Variants in USH2A observed in about 807,000 individuals in gnomAD.
USH2A encodes the protein Usher syndrome 2A (autosomal recessive, mild).
In USH2A, 443 loss-of-function variants were observed where a neutral mutation model predicts 538.9. That is an observed-to-expected ratio of 0.82 (90% CI 0.76 to 0.89). The LOEUF is 0.89. Ranked by LOEUF, USH2A falls within the 40% of genes least tolerant of loss-of-function variation. The pLI, the probability that USH2A is intolerant of heterozygous loss-of-function variation, is 0.00. For missense variants in USH2A, 6,633 were observed against 6,324.8 expected (o/e 1.05, Z -1.65); for synonymous variants, 2,413 against 2,273.5 (o/e 1.06, Z -1.75).
At chr1:216,380,202 A>G (rs1015121885) in intron 3 of USH2A, among the ~76,000 whole-genome samples, 58 of 152,292 alleles carry the variant, frequency 3.8e-4, no homozygotes, top group African/African-American at 1.2e-3. Flanking sequence ...AAGAGGGTAG[A>G]TATTGGGAAG....
At chr1:215,660,016 G>A (rs1214558737) in intron 64 of USH2A, among the ~76,000 whole-genome samples, 1 of 152,220 alleles carries the variant, frequency 6.6e-6, no homozygotes, top group African/African-American at 2.4e-5. Context: ...GAGGAATGGG[G>A]TAGGGGATGA....
chr1:216,333,195 G>A (rs2037902885), intron 4 of USH2A, among the ~76,000 whole-genome samples: 1 of 151,956 alleles, frequency 6.6e-6, no homozygotes, highest in Admixed American at 6.6e-5. Flanking sequence ...TGTAATCCCA[G>A]CACTTTGGGA....
intron 60 of USH2A, among the ~76,000 whole-genome samples, chr1:215,740,167 CTCT>C (rs1412671760): frequency 6.6e-6 from 1 of 152,016 alleles, no homozygotes; most frequent in Non-Finnish European, 1.5e-5. Context: ...TCTATTTTTT[CTCT>C]TCTTCTCTCC....
At chr1:215,939,194 C>T (rs1173107641) in intron 37 of USH2A, among the ~76,000 whole-genome samples, 1 of 152,150 alleles carries the variant, frequency 6.6e-6, no homozygotes, top group Admixed American at 6.6e-5. Flanking sequence ...TATCTTTCCA[C>T]TGAAGATGCA....
chr1:215,973,212 T>C (rs1423047617), intron 35 of USH2A, among the ~76,000 whole-genome samples: 1 of 152,158 alleles, frequency 6.6e-6, no homozygotes, highest in Middle Eastern at 3.2e-3. Context: ...TCTTACATAA[T>C]TGGGGAACAG....
At chr1:216,112,855 T>C (rs954726645) in intron 21 of USH2A, among the ~76,000 whole-genome samples, 2 of 152,056 alleles carry the variant, frequency 1.3e-5, no homozygotes, top group Non-Finnish European at 2.9e-5. Flanking sequence ...TAGTCTGTCA[T>C]TGATGGGCAT....
At chr1:216,065,407 A>T (rs1210334500) in intron 30 of USH2A, among the ~76,000 whole-genome samples, 1 of 152,260 alleles carries the variant, frequency 6.6e-6, no homozygotes, top group Non-Finnish European at 1.5e-5. Context: ...AAAATCACAC[A>T]TAGAATATTG....
At chr1:216,113,137 T>TAAAAAAA (rs71159901) in intron 21 of USH2A, among the ~76,000 whole-genome samples, 6 of 127,566 alleles carry the variant, frequency 4.7e-5, no homozygotes, top group Non-Finnish European at 6.7e-5. Context: ...CTCCAAATGA[T>TAAAAAAA]AAAAAAAAAA....
Position 215,650,646 on chromosome 1 carries a change from C to G in USH2A, c.14289G>C (p.Gly4763=). 2 of 1,614,142 alleles carry G rather than the reference C, an allele frequency of 1.2e-6. No individual in the cohort carries two copies. The highest frequency in any genetic ancestry group is 1.7e-6 in the Non-Finnish European group (2 of 1,180,032). ...VNISAPGKPN[G]IVSLYRLFSS... is the part of the protein sequence containing the mutation. ...AGAACAGCCTGTAGAGACTGACGATCCCGTTGGGCTTCCCAGGGGCACTGA... is the reference window on the plus strand; with the variant it reads ...AGAACAGCCTGTAGAGACTGACGATGCCGTTGGGCTTCCCAGGGGCACTGA... Residue 4763 remains glycine (G), a synonymous_variant, in exon 65 of 72, where the codon GGG becomes GGC. Coordinates refer to ENST00000307340, the MANE Select transcript of USH2A (RefSeq NM_206933.4).
At chr1:216,340,632 G>C (rs1480476362) in intron 4 of USH2A, among the ~76,000 whole-genome samples, 1 of 151,596 alleles carries the variant, frequency 6.6e-6, no homozygotes, top group African/African-American at 2.4e-5. Flanking sequence ...AAATCCAGCA[G>C]CATATCCTTA....
At chr1:215,928,754 G>A (rs1200449554) in intron 38 of USH2A, among the ~76,000 whole-genome samples, 3 of 152,066 alleles carry the variant, frequency 2.0e-5, no homozygotes, top group African/African-American at 7.2e-5. Flanking sequence ...CACACAATCA[G>A]GTGAGAAATA....
At chr1:216,043,390 G>T (rs1230622900) in intron 32 of USH2A, among the ~76,000 whole-genome samples, 1 of 151,554 alleles carries the variant, frequency 6.6e-6, no homozygotes, top group African/African-American at 2.4e-5. Flanking sequence ...AAGCAACAAG[G>T]AACATAGTTG....
intron 35 of USH2A, among the ~76,000 whole-genome samples, chr1:215,977,502 A>AATT (rs1667648474): frequency 6.6e-6 from 1 of 150,968 alleles, no homozygotes; most frequent in African/African-American, 2.4e-5. Context: ...ATAATTTTTT[A>AATT]AATTAATTAA....
At chr1:215,702,425 G>A (rs545528739) in intron 61 of USH2A, among the ~76,000 whole-genome samples, 1 of 152,160 alleles carries the variant, frequency 6.6e-6, no homozygotes, top group East Asian at 1.9e-4. Flanking sequence ...TTCCAACTTG[G>A]TTCCATTCTC....
chr1:215,790,425 G>A, intron 50 of USH2A, 143 bp from the exon 51 acceptor site: 1 of 856,086 alleles, frequency 1.2e-6, no homozygotes, highest in Non-Finnish European at 1.9e-6. Flanking sequence ...CCCTACCAAG[G>A]TGATTTAAAT....
At chr1:215,805,984 C>CAAA (rs57712355) in intron 49 of USH2A, among the ~76,000 whole-genome samples, 1,880 of 93,416 alleles carry the variant, frequency 0.02, 58 homozygotes, top group African/African-American at 0.06. Context: ...AAGACACAAT[C>CAAA]AAAAAAAAAA....
chr1:216,188,308 T>G (rs1389957502), intron 20 of USH2A, among the ~76,000 whole-genome samples: 1 of 151,856 alleles, frequency 6.6e-6, no homozygotes. Flanking sequence ...TATTCCCATC[T>G]CCATGATCCA....
At chr1:215,760,834 C>G (rs1367844025) in intron 56 of USH2A, among the ~76,000 whole-genome samples, 12 of 152,212 alleles carry the variant, frequency 7.9e-5, no homozygotes, top group African/African-American at 2.9e-4. Context: ...TCATAAACTC[C>G]TGTCATAGCT....
intron 11 of USH2A, among the ~76,000 whole-genome samples, chr1:216,258,329 A>C (rs1263523982): frequency 7.9e-5 from 12 of 152,058 alleles, no homozygotes; most frequent in Non-Finnish European, 1.0e-4. Flanking sequence ...ACGAATCATA[A>C]ATTTTCTCGC....
Sources: gnomAD v4.1 joint callset for allele counts (sites outside exome capture counted in the v4.1 genomes callset) on GRCh38, gnomAD v4.1.1 for gene constraint, MANE v1.5 for transcripts, NCBI Gene and HGNC (gene_info 2026-07-23, HGNC 2026-07-21) for gene names.